The following DGLUCY variants were observed in gnomAD, a reference collection of about 807,000 sequenced individuals.
The protein encoded by DGLUCY is D-glutamate cyclase.
DGLUCY carries 58 observed loss-of-function variants against 58.5 expected under a neutral mutation model. The ratio of observed to expected loss-of-function variants is 0.99; its 90% CI spans 0.80 to 1.23. The LOEUF is 1.23. Among genes scored for constraint, DGLUCY ranks in the 50% most tolerant of loss-of-function variants. The pLI, the probability that DGLUCY is intolerant of heterozygous loss-of-function variation, is 0.00. For missense variants in DGLUCY, 779 were observed against 784.7 expected, an observed-to-expected ratio of 0.99 and a Z score of 0.09; for synonymous variants, 325 against 314.1, an observed-to-expected ratio of 1.03 and a Z score of -0.37.
upstream of DGLUCY, among the ~76,000 whole-genome samples, chr14:91,106,314 C>T (rs572897064): frequency 6.6e-6 from 1 of 150,922 alleles, no homozygotes; most frequent in African/African-American, 2.4e-5. Context: ...TTCCCTACCC[C>T]CCCCCAAAAA....
At chr14:91,194,942 G>A (rs1280598138) in intron 9 of DGLUCY, among the ~76,000 whole-genome samples, 2 of 152,240 alleles carry the variant, frequency 1.3e-5, no homozygotes, top group Non-Finnish European at 2.9e-5. Context: ...GAGCTCAGGG[G>A]CAGCAGCATG....
chr14:91,206,607 T>C (rs1884748472), intron 12 of DGLUCY, among the ~76,000 whole-genome samples: 1 of 152,054 alleles, frequency 6.6e-6, no homozygotes, highest in East Asian at 1.9e-4. Flanking sequence ...GGTCTCGAAC[T>C]CCTGACCTCA....
At chr14:91,127,473 C>T (rs1408669610) in intron 1 of DGLUCY, among the ~76,000 whole-genome samples, 1 of 152,268 alleles carries the variant, frequency 6.6e-6, no homozygotes, top group African/African-American at 2.4e-5. Flanking sequence ...ACCCCGTTCT[C>T]CCTGAGTCTT....
At chr14:91,152,386 G>C (rs1390940555) in intron 1 of DGLUCY, among the ~76,000 whole-genome samples, 2 of 152,056 alleles carry the variant, frequency 1.3e-5, no homozygotes, top group Non-Finnish European at 2.9e-5. Context: ...GACAGAGCAA[G>C]ACCCTGTCTC....
intron 3 of DGLUCY, among the ~76,000 whole-genome samples, chr14:91,162,053 G>A (rs969076464): frequency 2.0e-5 from 3 of 152,038 alleles, no homozygotes; most frequent in Non-Finnish European, 2.9e-5. Context: ...TCCCAGCTTC[G>A]CTCTTTACTA....
At chr14:91,062,611 A>ATATATATATAT (rs1491583254) in intron 1 of DGLUCY, among the ~76,000 whole-genome samples, 8 of 25,096 alleles carry the variant, frequency 3.2e-4, no homozygotes, top group African/African-American at 4.0e-4. Context: ...ATATATATAT[A>ATATATATATAT]AACAATCCTT....
At chr14:91,091,609 T>C (rs529599764) in intron 1 of DGLUCY, among the ~76,000 whole-genome samples, 6 of 152,312 alleles carry the variant, frequency 3.9e-5, no homozygotes, top group Non-Finnish European at 8.8e-5. Context: ...AACGTGGAAA[T>C]AATGCAAAAA....
chr14:91,086,182 C>A (rs2044215597), intron 1 of DGLUCY, among the ~76,000 whole-genome samples: 1 of 152,134 alleles, frequency 6.6e-6, no homozygotes, highest in Non-Finnish European at 1.5e-5. Flanking sequence ...TGTCTAGTTG[C>A]AGGAAAGCAA....
chr14:91,109,250 C>T (rs2044653144), upstream of DGLUCY, among the ~76,000 whole-genome samples: 1 of 152,168 alleles, frequency 6.6e-6, no homozygotes, highest in African/African-American at 2.4e-5. Flanking sequence ...AGTTGTGCTT[C>T]TGGAGACTCC....
chr14:91,071,199 T>C (rs748830021), intron 1 of DGLUCY, among the ~76,000 whole-genome samples: 2 of 151,342 alleles, frequency 1.3e-5, no homozygotes, highest in Non-Finnish European at 2.9e-5. Flanking sequence ...TAGCAAGGTG[T>C]GGTGGCACGC....
chr14:91,209,807 T>TA (rs1885389042), intron 12 of DGLUCY, among the ~76,000 whole-genome samples: 1 of 152,210 alleles, frequency 6.6e-6, no homozygotes. Flanking sequence ...AGACACTATA[T>TA]GTGTCTTTAT....
chr14:91,073,729 C>G (rs1345601228), intron 1 of DGLUCY, among the ~76,000 whole-genome samples: 1 of 152,130 alleles, frequency 6.6e-6, no homozygotes, highest in East Asian at 1.9e-4. Flanking sequence ...GAGCCGCTCC[C>G]TTGCCAACAA....
intron 1 of DGLUCY, among the ~76,000 whole-genome samples, chr14:91,149,324 G>A (rs1332544230): frequency 6.6e-6 from 1 of 152,124 alleles, no homozygotes; most frequent in African/African-American, 2.4e-5. Flanking sequence ...TATTAGTTCA[G>A]CCTGTCTTCT....
chr14:91,207,054 G>A (rs1015824912), intron 12 of DGLUCY, among the ~76,000 whole-genome samples: 1 of 151,566 alleles, frequency 6.6e-6, no homozygotes, highest in African/African-American at 2.4e-5. Flanking sequence ...GCTACGTGGG[G>A]GGGCTGAGGT....
rs536957558 is a variant in DGLUCY, at chr14:91,102,908, C to T, written c.-82+42204C>T. On this transcript the variant is annotated intron_variant, in intron 1 of 4. Coordinates refer to the DGLUCY transcript ENST00000521334. ...TCCCAAGTAGCTGGGATTGCAGGTA[C>T]CCCCCATCATGACTGGCTAATTTTT... 1.1e-4 allele frequency among the ~76,000 whole-genome samples: 17 copies of T among 151,888 alleles called. No homozygotes were observed. In the South Asian group the frequency reaches 3.5e-3, roughly 32 times the overall value.
In DGLUCY at chr14:91,062,612, A is replaced by ATATATAT. The variant is rs1566925850; in HGVS notation, c.-82+1908_-82+1909insTATATAT. On this transcript the variant is annotated intron_variant, in intron 1 of 4. Transcript: ENST00000521334. The stretch of plus-strand genomic sequence containing the variant: ...ATATATATATATATATATATATATA[A>ATATATAT]ACAATCCTTAGCTCAAGGGCAGTTA... Among the ~76,000 whole-genome samples the ATATATAT allele has an allele frequency of 8.4e-4, 24 of 28,704 alleles. 2 individuals are homozygous for ATATATAT. Among genetic ancestry groups the ATATATAT allele is most frequent in the South Asian group, 6.7e-3 (4 of 600 alleles). 18.8% of individuals were successfully genotyped at this position (28,704 alleles called of 152,430 possible).
At chr14:91,217,533 GGAGTATA>G (rs1886758144) in intron 13 of DGLUCY, among the ~76,000 whole-genome samples, 1 of 149,052 alleles carries the variant, frequency 6.7e-6, no homozygotes, top group South Asian at 2.1e-4. Context: ...CACCCAGGCT[GGAGTATA>G]GTGGCACGAT....
upstream of DGLUCY, among the ~76,000 whole-genome samples, chr14:91,112,190 G>A (rs144724858): frequency 6.3e-3 from 951 of 151,686 alleles, 9 homozygotes; most frequent in African/African-American, 0.022. Flanking sequence ...CGAAGATTGC[G>A]GTGAGCCAAC....
upstream of DGLUCY, among the ~76,000 whole-genome samples, chr14:91,104,309 T>G (rs1022262570): frequency 2.6e-5 from 4 of 151,476 alleles, no homozygotes; most frequent in African/African-American, 4.9e-5. Flanking sequence ...TGATCCGCCC[T>G]CCTCGGCCTC....
Sources: gnomAD v4.1 joint callset for allele counts (sites outside exome capture counted in the v4.1 genomes callset) on GRCh38, gnomAD v4.1.1 for gene constraint, MANE v1.5 for transcripts, NCBI Gene and HGNC (gene_info 2026-07-23, HGNC 2026-07-21) for gene names.